RALGAPB: variants seen among roughly 807,000 people sequenced by gnomAD.
RALGAPB encodes the protein Ral GTPase activating protein non-catalytic subunit beta, also known as ral GTPase-activating protein subunit beta.
Under a neutral mutation model 161.1 loss-of-function variants are expected in RALGAPB, and 25 were observed. The ratio of observed to expected loss-of-function variants is 0.16; its 90% confidence interval spans 0.11 to 0.22. The LOEUF (loss-of-function observed/expected upper bound fraction) is 0.22. Among genes scored for constraint, RALGAPB ranks in the 10% least tolerant of loss-of-function variants. The pLI, the probability that RALGAPB is intolerant of heterozygous loss-of-function variation, is 1.00. For missense variants in RALGAPB, 1,391 were observed against 1,815.2 expected (o/e 0.77, Z 4.25); for synonymous variants, 629 against 626.1 (o/e 1.00, Z -0.07).
At chr20:38,533,357 C>T (rs937029276) in intron 15 of RALGAPB, among the ~76,000 whole-genome samples, 1 of 152,108 alleles carries the variant, frequency 6.6e-6, no homozygotes, top group Admixed American at 6.5e-5. Flanking sequence ...TCTGCCCTGC[C>T]AAGTAAAACA....
chr20:38,519,715 A>G lies in RALGAPB; in HGVS notation c.1417+1715A>G, dbSNP rs562601708. 7.9e-5 allele frequency among the ~76,000 whole-genome samples: 12 copies of G among 152,206 alleles called. No individual in the cohort carries two copies. The East Asian group carries it at 2.3e-3, about 29-fold the overall frequency. On this transcript the variant is annotated intron_variant, in intron 9 of 29. Coordinates refer to ENST00000262879, the MANE Select transcript of RALGAPB (RefSeq NM_020336.4). ...TAAAGGCTGTTACATTACCCAGGAGATATGAGGTGTCCAAATAGTTAAAGG... is the reference window on the plus strand; with the variant it reads ...TAAAGGCTGTTACATTACCCAGGAGGTATGAGGTGTCCAAATAGTTAAAGG...
chr20:38,550,996 G>T, intron 20 of RALGAPB, 75 bp from the exon 21 acceptor site: 2 of 1,499,892 alleles, frequency 1.3e-6, no homozygotes, highest in South Asian at 2.5e-5. Context: ...GCATCTAAGA[G>T]ACCAGGGAAA....
At chr20:38,506,720 C>T (rs192437859) in intron 5 of RALGAPB, among the ~76,000 whole-genome samples, 42 of 152,226 alleles carry the variant, frequency 2.8e-4, no homozygotes, top group Admixed American at 8.5e-4. Flanking sequence ...GCTGTATTTC[C>T]TATAAACTGG....
rs117586633 is a variant in RALGAPB at position 38,494,387 on chromosome 20, T to C, written c.389+1255T>C. Among the ~76,000 whole-genome samples, 66 of 152,316 alleles carry C rather than the reference T, an allele frequency of 4.3e-4. 3 individuals carry two copies. In the East Asian group the frequency reaches 0.013, roughly 29 times the overall value. ...GGCTCACGCCTGTAATCCCAGCATG[T>C]TTGGAGGCTGAGGCGGGTGGATCAC... On this transcript the variant is annotated intron_variant, in intron 3 of 29. Coordinates refer to ENST00000262879, the MANE Select transcript of RALGAPB (RefSeq NM_020336.4).
chr20:38,481,609 T>C (rs895923157), intron 1 of RALGAPB, among the ~76,000 whole-genome samples: 1 of 152,208 alleles, frequency 6.6e-6, no homozygotes, highest in Admixed American at 6.5e-5. Flanking sequence ...CCATGACATA[T>C]GGGAATTGTG....
At chr20:38,571,107 C>G (rs994649351) in intron 28 of RALGAPB, among the ~76,000 whole-genome samples, 5 of 152,084 alleles carry the variant, frequency 3.3e-5, no homozygotes, top group African/African-American at 1.2e-4. Flanking sequence ...ACTTGATGAG[C>G]TTGGAGATAA....
At chr20:38,539,437 A>G (rs1269919859) in intron 16 of RALGAPB, among the ~76,000 whole-genome samples, 1 of 152,204 alleles carries the variant, frequency 6.6e-6, no homozygotes, top group Non-Finnish European at 1.5e-5. Context: ...TGCAGAGCCT[A>G]GTGCATCACT....
chr20:38,526,308 C>T (rs1387102731), intron 13 of RALGAPB, among the ~76,000 whole-genome samples: 2 of 151,234 alleles, frequency 1.3e-5, no homozygotes, highest in East Asian at 1.9e-4. Flanking sequence ...CACTCTTTGC[C>T]TCTCCTTCCC....
At chr20:38,554,221 T>G (rs2087496990) in intron 22 of RALGAPB, 145 bp downstream of exon 22, 1 of 782,760 alleles carries the variant, frequency 1.3e-6, no homozygotes, top group Admixed American at 2.9e-5. Context: ...ATAAATGAAA[T>G]TCTGTGCTGC....
At chr20:38,555,286 GA>G (rs1412626120) in intron 22 of RALGAPB, among the ~76,000 whole-genome samples, 1 of 152,174 alleles carries the variant, frequency 6.6e-6, no homozygotes, top group African/African-American at 2.4e-5. Flanking sequence ...TACTGCCTAG[GA>G]ACTACCTGGT....
chr20:38,506,586 G>A (rs2085770038), intron 5 of RALGAPB, among the ~76,000 whole-genome samples: 1 of 152,158 alleles, frequency 6.6e-6, no homozygotes, highest in African/African-American at 2.4e-5. Context: ...GAGTGACCAC[G>A]CCTGGCCTAG....
chr20:38,534,093 T>G (rs1568950124), intron 15 of RALGAPB, among the ~76,000 whole-genome samples: 1 of 144,202 alleles, frequency 6.9e-6, no homozygotes, highest in East Asian at 2.0e-4. Flanking sequence ...GAGCCAAGAT[T>G]GCGCCACTGT....
At chr20:38,477,090 A>G (rs2122806540) in intron 1 of RALGAPB, among the ~76,000 whole-genome samples, 1 of 152,328 alleles carries the variant, frequency 6.6e-6, no homozygotes, top group East Asian at 1.9e-4. Flanking sequence ...CAGCTCTGTC[A>G]AATAGAATTT....
intron 10 of RALGAPB, 113 bp from the exon 11 acceptor site, chr20:38,524,665 A>G (rs2086404080): frequency 1.3e-6 from 1 of 782,018 alleles, no homozygotes; most frequent in South Asian, 1.8e-5. Context: ...CTTTCTTTAA[A>G]GGGTAAAAAT....
intron 17 of RALGAPB, 108 bp downstream of exon 17, chr20:38,540,066 A>T (rs868518660): frequency 1.1e-6 from 1 of 910,144 alleles, no homozygotes; most frequent in Middle Eastern, 3.1e-4. Context: ...CACACTTTAA[A>T]CTGAAAATAC....
chr20:38,543,331 GCCAGTGACT>G (rs1362203356), intron 18 of RALGAPB, among the ~76,000 whole-genome samples: 2 of 152,152 alleles, frequency 1.3e-5, no homozygotes, highest in African/African-American at 4.8e-5. Context: ...ATGTACATGA[GCCAGTGACT>G]GAGTTAAACA....
chr20:38,534,629 G>C (rs948090950), intron 15 of RALGAPB, among the ~76,000 whole-genome samples: 3 of 152,144 alleles, frequency 2.0e-5, no homozygotes, highest in African/African-American at 7.2e-5. Flanking sequence ...CTTAAACCCT[G>C]TAAGTAATTT....
At chr20:38,520,063 C>T (rs1248962515) in intron 9 of RALGAPB, among the ~76,000 whole-genome samples, 1 of 152,062 alleles carries the variant, frequency 6.6e-6, no homozygotes, top group Non-Finnish European at 1.5e-5. Context: ...TAATTTTGGA[C>T]CTGAATGCAC....
intron 4 of RALGAPB, 66 bp downstream of exon 4, chr20:38,497,582 T>C (rs546867494): frequency 6.7e-7 from 1 of 1,500,900 alleles, no homozygotes; most frequent in Non-Finnish European, 9.0e-7. Flanking sequence ...TTAAACTCAG[T>C]GAGCGGTAGA....
Sources: gnomAD v4.1 joint callset for allele counts (sites outside exome capture counted in the v4.1 genomes callset) on GRCh38, gnomAD v4.1.1 for gene constraint, MANE v1.5 for transcripts, NCBI Gene and HGNC (gene_info 2026-07-23, HGNC 2026-07-21) for gene names.